Variants in KIFC3 observed in about 807,000 individuals in gnomAD.
The protein encoded by KIFC3 is kinesin-like protein KIFC3.
KIFC3 carries 60 observed loss-of-function variants against 101.8 expected under a neutral mutation model. That is an observed-to-expected ratio of 0.59 (90% CI 0.48 to 0.73). KIFC3 has a LOEUF of 0.73. KIFC3 is among the 30% of genes least tolerant of loss of function. The probability of loss-of-function intolerance (pLI) is 0.00; values close to 1 mark genes in which losing one functional copy is unlikely to be tolerated. For missense variants in KIFC3, 966 were observed against 1,137.1 expected (o/e 0.85, Z 2.16); for synonymous variants, 476 against 482.7 (o/e 0.99, Z 0.18).
chr16:57,764,276 G>C lies in KIFC3; in HGVS notation c.1513-29C>G, dbSNP rs782460575. 7.8e-6 allele frequency: 10 copies of C among 1,286,376 alleles called. No homozygotes were observed. The East Asian group carries it at 1.8e-4, about 23-fold the overall frequency. 79.7% of individuals were successfully genotyped at this position (1,286,376 alleles called of 1,614,324 possible). A position where few individuals can be genotyped will look rare whatever the true frequency, so the allele number is the denominator to read the frequency against. On this transcript the variant is annotated intron_variant, in intron 11 of 19. Transcript: ENST00000445690. ...GGAGGGTGGTGGGAGGGAGGCTGGT[G>C]GGGGGGCTTCCAGGGCCGCTGGGAC...
chr16:57,821,066 GGCC>G (rs1419219923), intron 1 of KIFC3, among the ~76,000 whole-genome samples: 3 of 152,018 alleles, frequency 2.0e-5, no homozygotes, highest in Non-Finnish European at 4.4e-5. Context: ...AGAAGTTCGA[GGCC>G]GCAGTGAGCG....
chr16:57,840,956 G>A lies in KIFC3; in HGVS notation c.108+21773C>T, dbSNP rs1325557227. Among the ~76,000 whole-genome samples the A allele has an allele frequency of 3.3e-5, 5 of 152,152 alleles. No individual in the cohort carries two copies. The East Asian group carries it at 7.7e-4, about 24-fold the overall frequency. On this transcript the variant is annotated intron_variant, in intron 1 of 2. Transcript: ENST00000563028. ...TGTGTCCACACTCCGGCTTTCTGGC[G>A]ATCCTCCTCCACCAGGCAGCCAGAG...
At chr16:57,825,665 G>C (rs1276428838) in intron 1 of KIFC3, among the ~76,000 whole-genome samples, 2 of 151,990 alleles carry the variant, frequency 1.3e-5, no homozygotes, top group South Asian at 2.1e-4. Flanking sequence ...TTTCTTTTTT[G>C]TTTTTTGTTT....
chr16:57,817,363 GA>G (rs558346738), intron 1 of KIFC3, among the ~76,000 whole-genome samples: 19 of 131,930 alleles, frequency 1.4e-4, no homozygotes, highest in Admixed American at 6.2e-4. Context: ...TGTCTCAACA[GA>G]AAAAAAAAAA....
chr16:57,775,231 G>A, intron 3 of KIFC3: 4 of 1,315,010 alleles, frequency 3.0e-6, no homozygotes, highest in Non-Finnish European at 3.9e-6. Context: ...CATGGGGGAT[G>A]GTGAGGGAGT....
intron 1 of KIFC3, among the ~76,000 whole-genome samples, chr16:57,831,566 T>G (rs564534048): frequency 6.6e-6 from 1 of 152,288 alleles, no homozygotes; most frequent in Admixed American, 6.5e-5. Flanking sequence ...GGTGTGTGCC[T>G]GTAGTCCCAG....
rs1160180078 is a variant in KIFC3, at chr16:57,845,569, C to T, written c.108+17160G>A. On this transcript the variant is annotated intron_variant, in intron 1 of 2. Coordinates refer to the KIFC3 transcript ENST00000563028. ...GGCCTTTGCGTGGGTTCTTCCACCT[C>T]GGACATTCTTTCCCCAAATATCCAC... 3.3e-5 allele frequency among the ~76,000 whole-genome samples: 5 copies of T among 152,156 alleles called. No individual in the cohort carries two copies. The South Asian group carries it at 8.3e-4, about 25-fold the overall frequency.
intron 3 of KIFC3, among the ~76,000 whole-genome samples, chr16:57,784,498 A>T (rs1275053102): frequency 2.0e-5 from 3 of 152,224 alleles, no homozygotes; most frequent in Non-Finnish European, 4.4e-5. Context: ...CTGAGAGAAC[A>T]AGTCACAGCA....
At chr16:57,852,942 T>C (rs1490927660) in intron 1 of KIFC3, among the ~76,000 whole-genome samples, 7 of 150,950 alleles carry the variant, frequency 4.6e-5, no homozygotes, top group Middle Eastern at 3.4e-3. Context: ...ATAGAAGACA[T>C]AGAAATTTTT....
intron 10 of KIFC3, among the ~76,000 whole-genome samples, chr16:57,766,041 G>C (rs953999622): frequency 6.6e-6 from 1 of 152,206 alleles, no homozygotes; most frequent in Admixed American, 6.5e-5. Context: ...GGCAGGACAG[G>C]GCTTAGGAAT....
At chr16:57,850,178 T>C (rs1161876195) in intron 1 of KIFC3, among the ~76,000 whole-genome samples, 1 of 151,794 alleles carries the variant, frequency 6.6e-6, no homozygotes, top group African/African-American at 2.4e-5. Flanking sequence ...GGCGGGAGAA[T>C]TGCTTGAGCC....
chr16:57,761,655 C>G, intron 13 of KIFC3, 119 bp from the exon 14 acceptor site: 1 of 1,106,706 alleles, frequency 9.0e-7, no homozygotes, highest in Admixed American at 1.9e-5. Flanking sequence ...CAGCCATCAG[C>G]TGAGTGCATC....
Position 57,787,451 on chromosome 16 carries a change from A to G in KIFC3, c.315+7548T>C, listed in dbSNP as rs561222378. Reference sequence around the variant, plus strand: ...CCCCTGCAGGGGCTCGCCGGGTCTCAGCACCGCGGCAGGGCAGTGGGAAGG... The same window carrying G: ...CCCCTGCAGGGGCTCGCCGGGTCTCGGCACCGCGGCAGGGCAGTGGGAAGG... On this transcript the variant is annotated intron_variant, in intron 3 of 19. Coordinates refer to ENST00000445690, the MANE Select transcript of KIFC3 (RefSeq NM_001130100.2). Among the ~76,000 whole-genome samples the G allele has an allele frequency of 9.8e-4, 149 of 152,324 alleles. No individual in the cohort carries two copies. The South Asian group carries it at 0.012, about 13-fold the overall frequency.
rs142898020 is a variant in KIFC3 at position 57,766,916 on chromosome 16, G to T, written c.1288C>A (p.Gln430Lys). Residue 430 changes from glutamine (Q) to lysine (K), a missense_variant, in exon 10 of 20, where the codon CAG becomes AAG. Gln to Lys is a moderately conservative substitution (Grantham distance 53). Around this residue, in one of 2 missense-constraint regions of KIFC3, gnomAD observed 689 missense variants for 884.6 expected, o/e 0.78. Transcript: ENST00000445690. ...ELLRKYRREL[Q>K]LRKKCHNELV... ...TCATTGTGGCACTTCTTACGCAGCT[G>T]CAGCTCGCGGCGGTACTTGCGCAGC... 3.8e-5 allele frequency: 61 copies of T among 1,612,250 alleles called. No homozygotes were observed. The highest frequency in any genetic ancestry group is 4.7e-5 in the Non-Finnish European group (56 of 1,179,986).
intron 1 of KIFC3, chr16:57,815,535 C>G: frequency 2.3e-6 from 3 of 1,286,196 alleles, no homozygotes; most frequent in Non-Finnish European, 2.0e-6. Context: ...ACTCTTCTAC[C>G]AGGATGCCCT....
At chr16:57,817,460 C>T (rs1168121576) in intron 1 of KIFC3, among the ~76,000 whole-genome samples, 2 of 152,108 alleles carry the variant, frequency 1.3e-5, no homozygotes, top group African/African-American at 4.8e-5. Flanking sequence ...GTCAGTGGGG[C>T]CACACTCCTC....
intron 1 of KIFC3, chr16:57,816,178 TTCTAATAGTTCA>T (rs1441717828): frequency 2.4e-6 from 3 of 1,266,258 alleles, no homozygotes; most frequent in Non-Finnish European, 3.1e-6. Context: ...GTGCTCCCAC[TTCTAATAGTTCA>T]TCAAGTTCTC....
At chr16:57,761,203 C>T (rs782100033) in intron 14 of KIFC3, 32 bp from the exon 15 acceptor site, 28 of 1,610,516 alleles carry the variant, frequency 1.7e-5, no homozygotes, top group Non-Finnish European at 2.2e-5. Context: ...AGAGGCACAG[C>T]GTTGAGAATG....
At chr16:57,856,378 G>T (rs2056167649) in intron 1 of KIFC3, among the ~76,000 whole-genome samples, 1 of 151,398 alleles carries the variant, frequency 6.6e-6, no homozygotes, top group African/African-American at 2.4e-5. Flanking sequence ...CTATTCAGGA[G>T]GGTGAGGTGT....
Sources: gnomAD v4.1 joint callset for allele counts (sites outside exome capture counted in the v4.1 genomes callset) on GRCh38, gnomAD v4.1.1 for gene constraint, gnomAD v4.1.1 regional missense constraint, MANE v1.5 for transcripts, NCBI Gene and HGNC (gene_info 2026-07-23, HGNC 2026-07-21) for gene names.